The following COX7B2 variants were observed in gnomAD, a reference collection of about 807,000 sequenced individuals.
The protein encoded by COX7B2 is cytochrome c oxidase subunit 7B2, mitochondrial.
For missense variants in COX7B2, 109 were observed against 95.9 expected (o/e 1.14, Z -0.57); for synonymous variants, 37 against 32.1 (o/e 1.15, Z -0.51).
At chr4:46,886,179 T>C (rs1368235173) in intron 1 of COX7B2, among the ~76,000 whole-genome samples, 2 of 152,156 alleles carry the variant, frequency 1.3e-5, no homozygotes, top group African/African-American at 2.4e-5. Context: ...AAATGACTCA[T>C]TCAGATTCTT....
intron 2 of COX7B2, among the ~76,000 whole-genome samples, chr4:46,772,835 T>C (rs941446248): frequency 1.3e-5 from 2 of 152,166 alleles, no homozygotes; most frequent in African/African-American, 4.8e-5. Context: ...CTTACTCCAG[T>C]AGTAAAGCTA....
intron 1 of COX7B2, among the ~76,000 whole-genome samples, chr4:46,851,321 T>G (rs1408530342): frequency 6.6e-6 from 1 of 152,054 alleles, no homozygotes; most frequent in Non-Finnish European, 1.5e-5. Flanking sequence ...TCAGTTTCTC[T>G]TACTCCAGAT....
At chr4:46,833,510 A>T (rs1715305334) in intron 2 of COX7B2, among the ~76,000 whole-genome samples, 1 of 152,218 alleles carries the variant, frequency 6.6e-6, no homozygotes, top group South Asian at 2.1e-4. Flanking sequence ...GGTTACTAGC[A>T]TTCATATACT....
At chr4:46,877,964 A>C (rs150079407) in intron 1 of COX7B2, among the ~76,000 whole-genome samples, 1 of 152,000 alleles carries the variant, frequency 6.6e-6, no homozygotes, top group African/African-American at 2.4e-5. Flanking sequence ...TAGCCAAGAT[A>C]TGGAAACAAC....
intron 1 of COX7B2, among the ~76,000 whole-genome samples, chr4:46,900,286 T>C (rs1387007736): frequency 1.3e-5 from 2 of 152,344 alleles, no homozygotes; most frequent in East Asian, 1.9e-4. Context: ...GAGATTTTTA[T>C]TTACATACCA....
At chr4:46,820,364 C>T (rs564678997) in intron 2 of COX7B2, among the ~76,000 whole-genome samples, 47 of 152,232 alleles carry the variant, frequency 3.1e-4, no homozygotes, top group Admixed American at 6.5e-4. Context: ...CAGGCAATGA[C>T]GTGAGCAATG....
intron 1 of COX7B2, among the ~76,000 whole-genome samples, chr4:46,858,876 T>G (rs751820322): frequency 3.9e-4 from 59 of 152,202 alleles, no homozygotes; most frequent in Non-Finnish European, 6.8e-4. Context: ...TAACCACTTT[T>G]AAAAGTCATT....
intron 2 of COX7B2, among the ~76,000 whole-genome samples, chr4:46,739,329 C>T (rs1714562170): frequency 6.6e-6 from 1 of 151,608 alleles, no homozygotes; most frequent in Non-Finnish European, 1.5e-5. Flanking sequence ...AATGATCAAA[C>T]AAACCAAACC....
chr4:46,801,091 G>A (rs1488958414), intron 2 of COX7B2, among the ~76,000 whole-genome samples: 1 of 152,078 alleles, frequency 6.6e-6, no homozygotes, highest in Non-Finnish European at 1.5e-5. Flanking sequence ...AAAAATAACA[G>A]ACTCTGGCAA....
Position 46,852,865 on chromosome 4 carries a change from GTTGC to G in COX7B2, c.-104-7855_-104-7852del, listed in dbSNP as rs1716776095. Among the ~76,000 whole-genome samples the G allele has an allele frequency of 4.6e-5, 7 of 152,180 alleles. No individual in the cohort carries two copies. In the South Asian group the frequency reaches 1.4e-3, roughly 32 times the overall value. ...CATTTTTTGCTTTTCTGTGCTTTGT[GTTGC>G]TGACTTTGCTGTTTAAAATAGATCC... On this transcript the variant is annotated intron_variant, in intron 1 of 2. Transcript: ENST00000355591.
intron 2 of COX7B2, among the ~76,000 whole-genome samples, chr4:46,830,037 G>A (rs1178193060): frequency 2.0e-5 from 3 of 152,040 alleles, no homozygotes; most frequent in African/African-American, 7.2e-5. Flanking sequence ...CTATAAAAAT[G>A]GATAGAGGCC....
chr4:46,906,591 A>G (rs901571031), intron 1 of COX7B2, among the ~76,000 whole-genome samples: 1 of 152,222 alleles, frequency 6.6e-6, no homozygotes, highest in African/African-American at 2.4e-5. Flanking sequence ...GCTGGAAATG[A>G]ATACTTGACT....
At chr4:46,896,372 C>A (rs919564088) in intron 1 of COX7B2, among the ~76,000 whole-genome samples, 6 of 152,042 alleles carry the variant, frequency 3.9e-5, no homozygotes, top group African/African-American at 1.4e-4. Context: ...GGTAGATGTA[C>A]CCAGTGACAA....
chr4:46,820,242 T>A (rs950401694), intron 2 of COX7B2, among the ~76,000 whole-genome samples: 2 of 152,132 alleles, frequency 1.3e-5, no homozygotes, highest in African/African-American at 2.4e-5. Flanking sequence ...TGACCTATTA[T>A]CAGGCATTAG....
intron 2 of COX7B2, among the ~76,000 whole-genome samples, chr4:46,814,974 C>T (rs1719474603): frequency 6.6e-6 from 1 of 151,884 alleles, no homozygotes; most frequent in African/African-American, 2.4e-5. Flanking sequence ...TCACTTCAGG[C>T]CAGGAGTTTG....
intron 2 of COX7B2, among the ~76,000 whole-genome samples, chr4:46,812,670 G>C (rs1258379413): frequency 6.6e-6 from 1 of 152,104 alleles, no homozygotes; most frequent in Non-Finnish European, 1.5e-5. Context: ...CAGACTGTAG[G>C]AGTCTAGTCC....
At chr4:46,877,180 C>T (rs1380322544) in intron 1 of COX7B2, among the ~76,000 whole-genome samples, 3 of 151,998 alleles carry the variant, frequency 2.0e-5, no homozygotes, top group African/African-American at 7.3e-5. Flanking sequence ...AAGTAGAGGA[C>T]AAGAGGTGGG....
chr4:46,897,392 C>G (rs1352464353), intron 1 of COX7B2, among the ~76,000 whole-genome samples: 1 of 152,218 alleles, frequency 6.6e-6, no homozygotes, highest in Non-Finnish European at 1.5e-5. Context: ...TTCTTTCTCT[C>G]TGTCTCAGGA....
intron 2 of COX7B2, among the ~76,000 whole-genome samples, chr4:46,743,593 A>C (rs537676595): frequency 1.1e-3 from 165 of 152,318 alleles, no homozygotes; most frequent in Non-Finnish European, 2.0e-3. Context: ...TATTAATAGA[A>C]GTTACTTGAA....
Sources: allele counts gnomAD v4.1 joint callset (sites outside exome capture counted in the v4.1 genomes callset), GRCh38; gene constraint gnomAD v4.1.1; transcripts MANE v1.5; gene names NCBI Gene and HGNC (gene_info 2026-07-23, HGNC 2026-07-21).